PCDHGA1: variants seen among roughly 807,000 people sequenced by gnomAD.
PCDHGA1 encodes the protein protocadherin gamma subfamily A, 1, also known as protocadherin gamma-A1.
A neutral mutation model predicts 58.0 loss-of-function variants in PCDHGA1; 32 were observed. That is an observed-to-expected ratio of 0.55 (90% confidence interval 0.42 to 0.74). PCDHGA1 has a LOEUF of 0.74. Ranked by LOEUF, PCDHGA1 falls within the 30% of genes least tolerant of loss-of-function variation. The pLI is 0.00. For synonymous variants in PCDHGA1, 498 were observed against 501.1 expected (o/e 0.99, Z 0.08); for missense variants, 1,205 against 1,182.3 (o/e 1.02, Z -0.28).
chr5:141,374,832 G>C, intron 1 of PCDHGA1: 13 of 1,613,908 alleles, frequency 8.1e-6, no homozygotes, highest in Non-Finnish European at 1.1e-5. Context: ...TACCGTGTAA[G>C]TGTTCCTGAA....
intron 1 of PCDHGA1, chr5:141,338,772 C>T (rs1018818967): frequency 8.6e-6 from 11 of 1,275,848 alleles, no homozygotes; most frequent in South Asian, 3.0e-5. Context: ...TCCAGCAATA[C>T]GGCTCCCACA....
chr5:141,402,451 G>A (rs2094267451), intron 1 of PCDHGA1, among the ~76,000 whole-genome samples: 1 of 152,016 alleles, frequency 6.6e-6, no homozygotes. Context: ...AATTATAATA[G>A]TTTACATATC....
At chr5:141,410,124 G>T in intron 1 of PCDHGA1, 1 of 1,612,726 alleles carries the variant, frequency 6.2e-7, no homozygotes, top group South Asian at 1.1e-5. Flanking sequence ...GCCCGCCAGC[G>T]CCTGCTGGTC....
rs775331499 is a variant in PCDHGA1 at position 141,422,779 on chromosome 5, C to T, written c.2422-72028C>T. The T allele has an allele frequency of 8.7e-6, 14 of 1,614,070 alleles. No homozygotes were observed. In the East Asian group the frequency reaches 2.9e-4, roughly 33 times the overall value. ...CTCCAACACTGGTGTTCTCTATGCC[C>T]TACAATCCTTCGACTATGAGCAGTT... On this transcript the variant is annotated intron_variant, in intron 1 of 3. Transcript: ENST00000517417.
At chr5:141,339,232 G>C in intron 1 of PCDHGA1, 1 of 1,614,250 alleles carries the variant, frequency 6.2e-7, no homozygotes, top group Non-Finnish European at 8.5e-7. Flanking sequence ...TGGTCACTGC[G>C]AACAGGATAG....
chr5:141,486,940 A>T lies in PCDHGA1; in HGVS notation c.2422-7867A>T. ...CTCCATCAGTTGGTGCTGGCCACCTAATCACAAAGGTGACTGCTGTGGACT... is the reference window on the plus strand; with the variant it reads ...CTCCATCAGTTGGTGCTGGCCACCTTATCACAAAGGTGACTGCTGTGGACT... On this transcript the variant is annotated intron_variant, in intron 1 of 3. Coordinates refer to ENST00000517417, the MANE Select transcript of PCDHGA1 (RefSeq NM_018912.3). This position sits in a 1 kb window ranked among gnomAD's most constrained non-coding sequence, Gnocchi z 5.0. 6.2e-7 allele frequency: 1 copy of T among 1,614,188 alleles called. No homozygotes were observed. Among genetic ancestry groups the T allele is most frequent in the Non-Finnish European group, 8.5e-7 (1 of 1,180,032 alleles).
At chr5:141,354,323 T>C (rs552876054) in intron 1 of PCDHGA1, among the ~76,000 whole-genome samples, 3 of 152,226 alleles carry the variant, frequency 2.0e-5, no homozygotes, top group Non-Finnish European at 4.4e-5. Flanking sequence ...TACTACTCTA[T>C]GAAAGGTATT....
intron 1 of PCDHGA1, chr5:141,391,548 C>T (rs1045663791): frequency 6.6e-6 from 1 of 152,106 alleles, no homozygotes; most frequent in African/African-American, 2.4e-5. Flanking sequence ...ATTGTCTACC[C>T]AGTTTTCCAT....
chr5:141,384,543 G>A (rs767368247), intron 1 of PCDHGA1: 4 of 1,614,256 alleles, frequency 2.5e-6, no homozygotes, highest in South Asian at 1.1e-5. Context: ...ACATGTCACT[G>A]AGCCTGTTCG....
chr5:141,432,061 G>T lies in PCDHGA1; in HGVS notation c.2422-62746G>T. On this transcript the variant is annotated intron_variant, in intron 1 of 3. Coordinates refer to ENST00000517417, the MANE Select transcript of PCDHGA1 (RefSeq NM_018912.3). The surrounding 1 kb of genome is among the most constrained non-coding windows in gnomAD (Gnocchi z 6.0). ...ACCGGGGAACCCCGCCCCTATCCAC[G>T]GAAACTCATATCTCGCTGAACGTGG... 1.9e-6 allele frequency: 3 copies of T among 1,614,130 alleles called. No homozygotes were observed. The highest frequency in any genetic ancestry group is 2.5e-6 in the Non-Finnish European group (3 of 1,180,034).
chr5:141,389,896 C>G, intron 1 of PCDHGA1: 8 of 1,614,078 alleles, frequency 5.0e-6, no homozygotes, highest in Non-Finnish European at 6.8e-6. Context: ...GAGGTGCTGC[C>G]GGATATCACT....
rs369529373 is a variant in PCDHGA1 at position 141,458,890 on chromosome 5, C to T, written c.2422-35917C>T. Among the ~76,000 whole-genome samples, 87 of 152,160 alleles carry T rather than the reference C, an allele frequency of 5.7e-4. 1 individual carries two copies. In the South Asian group the frequency reaches 0.016, roughly 28 times the overall value. ...TGGGACTACAGGCATGCACACCATG[C>T]GCAGCTAATTTTTTCTATTTTTTGT... On this transcript the variant is annotated intron_variant, in intron 1 of 3. Coordinates refer to ENST00000517417, the MANE Select transcript of PCDHGA1 (RefSeq NM_018912.3).
intron 1 of PCDHGA1, among the ~76,000 whole-genome samples, chr5:141,474,788 A>G (rs1426105047): frequency 6.6e-6 from 1 of 152,232 alleles, no homozygotes; most frequent in Non-Finnish European, 1.5e-5. Context: ...AACACTTTAC[A>G]TCTAATGGAG....
intron 1 of PCDHGA1, among the ~76,000 whole-genome samples, chr5:141,402,646 G>A (rs2094289569): frequency 6.6e-6 from 1 of 152,198 alleles, no homozygotes; most frequent in South Asian, 2.1e-4. Context: ...ATCATAATTA[G>A]AAGAGAGTAG....
chr5:141,341,068 G>C (rs142588721), intron 1 of PCDHGA1: 162 of 1,614,042 alleles, frequency 1.0e-4, no homozygotes, highest in Non-Finnish European at 1.3e-4. Context: ...CGGTGGCCGC[G>C]GTCTCCTGCG....
chr5:141,399,396 G>C, intron 1 of PCDHGA1: 1 of 1,613,960 alleles, frequency 6.2e-7, no homozygotes, highest in Non-Finnish European at 8.5e-7. Flanking sequence ...CCACAGACAG[G>C]GGCAAGCCGC....
rs754747902 is a variant in PCDHGA1 at position 141,417,898 on chromosome 5, G to T, written c.2422-76909G>T. The T allele has an allele frequency of 5.5e-5, 87 of 1,579,262 alleles. 1 individual carries two copies. The South Asian group carries it at 7.8e-4, about 14-fold the overall frequency. The stretch of plus-strand genomic sequence containing the variant: ...GCGCGCAGAGGCGCCGGGCCGGCCC[G>T]CGGCAGGTACTATTTCCTTTGCTGC... On this transcript the variant is annotated intron_variant, in intron 1 of 3. Coordinates refer to ENST00000517417, the MANE Select transcript of PCDHGA1 (RefSeq NM_018912.3).
intron 1 of PCDHGA1, chr5:141,376,511 A>T (rs1772759246): frequency 6.2e-7 from 1 of 1,613,966 alleles, no homozygotes; most frequent in Non-Finnish European, 8.5e-7. Flanking sequence ...ACTTCAGGTG[A>T]GTTTCTTTCC....
intron 1 of PCDHGA1, chr5:141,374,616 T>G: frequency 6.2e-7 from 1 of 1,613,518 alleles, no homozygotes; most frequent in South Asian, 1.1e-5. Flanking sequence ...AATAGTCACT[T>G]CTCAGTGGAC....
Sources: allele counts gnomAD v4.1 joint callset (sites outside exome capture counted in the v4.1 genomes callset), GRCh38; gene constraint gnomAD v4.1.1; non-coding constraint Gnocchi (gnomAD v3.1); transcripts MANE v1.5; gene names NCBI Gene and HGNC (gene_info 2026-07-23, HGNC 2026-07-21).